Variants in ANOS1 observed in about 807,000 individuals in gnomAD.
The protein encoded by ANOS1 is anosmin-1.
ANOS1 carries 6 observed loss-of-function variants against 59.0 expected under a neutral mutation model. That is an observed-to-expected ratio of 0.10 (90% CI 0.06 to 0.20). ANOS1 has a LOEUF of 0.20. Ranked by LOEUF, ANOS1 falls within the 10% of genes least tolerant of loss-of-function variation. The pLI is 1.00. For missense variants in ANOS1, 433 were observed against 542.3 expected (o/e 0.80, Z 2.00); for synonymous variants, 217 against 223.4 (o/e 0.97, Z 0.25).
In ANOS1 at chrX:8,553,950, A is replaced by G. The variant is rs906866961; in HGVS notation, c.1354+2T>C. On this transcript the variant is annotated splice_donor_variant, in intron 9 of 13. Coordinates refer to ENST00000262648, the MANE Select transcript of ANOS1 (RefSeq NM_000216.4). LOFTEE classifies it high-confidence loss of function. Reference sequence around the variant, plus strand: ...AGAAATAAGTAAGTAATGTTTATGTACCTTCTGTCTTCTTCCAGTAGACTT... The same window carrying G: ...AGAAATAAGTAAGTAATGTTTATGTGCCTTCTGTCTTCTTCCAGTAGACTT... 2 of 1,204,296 alleles carry G rather than the reference A, an allele frequency of 1.7e-6. No homozygotes were observed. Among genetic ancestry groups the G allele is most frequent in the African/African-American group, 3.5e-5 (2 of 56,996 alleles).
chrX:8,673,576 T>A (rs993924607), intron 2 of ANOS1, among the ~76,000 whole-genome samples: 1 of 110,013 alleles, frequency 9.1e-6, no homozygotes, highest in Non-Finnish European at 1.9e-5. Context: ...AGATTTAGCA[T>A]GACATGGGCA....
At chrX:8,631,264 CATT>C (rs1931483156) in intron 2 of ANOS1, among the ~76,000 whole-genome samples, 1 of 112,156 alleles carries the variant, frequency 8.9e-6, no homozygotes. Flanking sequence ...TCTCTCTCAT[CATT>C]AATTTATTCC....
intron 2 of ANOS1, among the ~76,000 whole-genome samples, chrX:8,682,221 A>G (rs534919160): frequency 1.3e-4 from 14 of 110,784 alleles, no homozygotes; most frequent in East Asian, 5.7e-4. Flanking sequence ...AAAAAACTAC[A>G]AGTCATGGCT....
intron 3 of ANOS1, among the ~76,000 whole-genome samples, chrX:8,619,732 G>A (rs1237392296): frequency 8.9e-6 from 1 of 112,295 alleles, no homozygotes; most frequent in Non-Finnish European, 1.9e-5. Context: ...CACGATATGA[G>A]AATGAAATGA....
At chrX:8,701,752 A>G (rs1411693355) in intron 1 of ANOS1, among the ~76,000 whole-genome samples, 2 of 111,614 alleles carry the variant, frequency 1.8e-5, no homozygotes, top group Admixed American at 9.6e-5. Flanking sequence ...GATATACCAC[A>G]TTTTGCCCAT....
Position 8,529,615 on chromosome X carries a change from AAC to A in ANOS1, c.*3378_*3379del, listed in dbSNP as rs1929465463. 1 of 112,177 alleles carries A rather than the reference AAC, an allele frequency of 8.9e-6. No homozygotes were observed. 9.2% of individuals were successfully genotyped at this position (112,177 alleles called of 1,213,427 possible). A position where few individuals can be genotyped will look rare whatever the true frequency, so the allele number is the denominator to read the frequency against. On this transcript the variant is annotated 3_prime_UTR_variant, in exon 14 of 14. Transcript: ENST00000262648. Reference sequence around the variant, plus strand: ...ATCAAGTTGTTTAGTGGACATAAAAAACACAGTTTAGGCCTTTGAAGTCAACC... The same window carrying A: ...ATCAAGTTGTTTAGTGGACATAAAAAACAGTTTAGGCCTTTGAAGTCAACC...
intron 3 of ANOS1, among the ~76,000 whole-genome samples, chrX:8,603,786 C>T (rs1930888749): frequency 8.9e-6 from 1 of 112,171 alleles, no homozygotes; most frequent in Admixed American, 9.5e-5. Flanking sequence ...TTATAATTGC[C>T]TTTGCAAAGA....
intron 2 of ANOS1, among the ~76,000 whole-genome samples, chrX:8,671,901 C>T: frequency 1.8e-5 from 2 of 110,508 alleles, no homozygotes. Context: ...CATTACTTCA[C>T]ATATTAATTT....
chrX:8,699,353 T>C (rs1439355202), intron 2 of ANOS1, among the ~76,000 whole-genome samples: 1 of 112,061 alleles, frequency 8.9e-6, no homozygotes, highest in Non-Finnish European at 1.9e-5. Flanking sequence ...AAATCTTCTC[T>C]GGTCTAACCA....
At chrX:8,616,281 A>T (rs903091489) in intron 3 of ANOS1, among the ~76,000 whole-genome samples, 1 of 111,524 alleles carries the variant, frequency 9.0e-6, no homozygotes, top group Non-Finnish European at 1.9e-5. Flanking sequence ...AAAAGCTTTC[A>T]TCGTTTGGCT....
rs755326174 is a variant in ANOS1 at position 8,532,985 on chromosome X, T to G, written c.*10A>C. ...CATCTGTGCAATTTCACAAAATCTT[T>G]TTGAACAGTTTAGTATCTTTCTGGA... On this transcript the variant is annotated 3_prime_UTR_variant, in exon 14 of 14. Coordinates refer to ENST00000262648, the MANE Select transcript of ANOS1 (RefSeq NM_000216.4). 17 of 1,108,151 alleles carry G rather than the reference T, an allele frequency of 1.5e-5. No homozygotes were observed. Among genetic ancestry groups the G allele is most frequent in the Non-Finnish European group, 2.1e-5 (17 of 801,115 alleles). The allele number at this position is 1,108,151 out of a possible 1,213,427, so 91.3% of individuals were successfully genotyped here.
chrX:8,697,951 A>C (rs750354958), intron 2 of ANOS1, among the ~76,000 whole-genome samples: 1 of 112,190 alleles, frequency 8.9e-6, no homozygotes, highest in South Asian at 3.7e-4. Flanking sequence ...CCCACCTAGT[A>C]CTTCATGAAT....
intron 1 of ANOS1, among the ~76,000 whole-genome samples, chrX:8,730,877 C>A (rs1292982412): frequency 1.8e-5 from 2 of 112,788 alleles, no homozygotes; most frequent in Non-Finnish European, 3.8e-5. Flanking sequence ...TGCACTCGCT[C>A]GCGCTGAGTC....
intron 6 of ANOS1, among the ~76,000 whole-genome samples, chrX:8,571,498 C>A (rs974356042): frequency 9.0e-6 from 1 of 111,327 alleles, no homozygotes; most frequent in African/African-American, 3.3e-5. Flanking sequence ...AAAGGGAAAT[C>A]AGAAAAGAAA....
chrX:8,581,071 G>A lies in ANOS1; in HGVS notation c.856+4196C>T, dbSNP rs912340968. ...TCATTGCAGTTATTATGAAAATGTT[G>A]TTCTATCTCTCACGTTGACAAATAC... is the stretch of plus-strand genomic sequence containing the variant. On this transcript the variant is annotated intron_variant, in intron 6 of 13. Transcript: ENST00000262648. 2.7e-5 allele frequency among the ~76,000 whole-genome samples: 3 copies of A among 110,904 alleles called. No homozygotes were observed. The Admixed American group carries it at 2.9e-4, about 11-fold the overall frequency.
At chrX:8,580,002 G>A (rs901689358) in intron 6 of ANOS1, among the ~76,000 whole-genome samples, 3 of 112,342 alleles carry the variant, frequency 2.7e-5, no homozygotes, top group East Asian at 2.8e-4. Flanking sequence ...TTCTGAAGGT[G>A]TCTGATCTTT....
intron 2 of ANOS1, among the ~76,000 whole-genome samples, chrX:8,652,261 C>A (rs1396105153): frequency 1.8e-5 from 2 of 111,744 alleles, no homozygotes; most frequent in Admixed American, 9.5e-5. Context: ...CTGCACCTGG[C>A]CTCCCATGTA....
intron 3 of ANOS1, among the ~76,000 whole-genome samples, chrX:8,617,407 T>G (rs1317310912): frequency 8.9e-6 from 1 of 112,005 alleles, no homozygotes; most frequent in Non-Finnish European, 1.9e-5. Context: ...CTCTTTTCAG[T>G]AGTGTTGGAA....
intron 1 of ANOS1, among the ~76,000 whole-genome samples, chrX:8,701,029 T>A (rs1306721756): frequency 9.0e-6 from 1 of 111,237 alleles, no homozygotes; most frequent in Non-Finnish European, 1.9e-5. Context: ...AATAAATAAA[T>A]AAAATTGTAC....
Sources: allele counts gnomAD v4.1 joint callset (sites outside exome capture counted in the v4.1 genomes callset), GRCh38; gene constraint gnomAD v4.1.1; transcripts MANE v1.5; gene names NCBI Gene and HGNC (gene_info 2026-07-23, HGNC 2026-07-21).